Variants in CABLES2 observed in about 807,000 individuals in gnomAD.
CABLES2 encodes the protein Cdk5 and Abl enzyme substrate 2, also known as CDK5 and ABL1 enzyme substrate 2.
CABLES2 carries 35 observed loss-of-function variants against 44.8 expected under a neutral mutation model. The observed-to-expected ratio is 0.78, with a 90% CI of 0.60 to 1.04. The LOEUF (loss-of-function observed/expected upper bound fraction) is 1.04, where lower values mean the gene tolerates loss of function less well. Among genes scored for constraint, CABLES2 ranks in the 50% least tolerant of loss-of-function variants. The pLI, the probability that CABLES2 is intolerant of heterozygous loss-of-function variation, is 0.00. For missense variants in CABLES2, 566 were observed against 615.7 expected, an observed-to-expected ratio of 0.92 and a Z score of 0.85; for synonymous variants, 282 against 281.1, an observed-to-expected ratio of 1.00 and a Z score of -0.03.
chr20:62,388,761 T>C lies in CABLES2; in HGVS notation c.*2210A>G, dbSNP rs1033738980. On this transcript the variant is annotated 3_prime_UTR_variant, in exon 10 of 10. Transcript: ENST00000279101. The stretch of plus-strand genomic sequence containing the variant: ...CACTGACATCCACAACTGCTACCGG[T>C]GCGGAAGCAACGCCAGGCCTGGTTC... 2 of 486,716 alleles carry C rather than the reference T, an allele frequency of 4.1e-6. No individual in the cohort carries two copies. The highest frequency in any genetic ancestry group is 7.4e-6 in the Non-Finnish European group (2 of 271,866). 30.1% of individuals were successfully genotyped at this position (486,716 alleles called of 1,614,324 possible).
At chr20:62,399,479 C>T (rs1244152158) in intron 1 of CABLES2, among the ~76,000 whole-genome samples, 2 of 148,342 alleles carry the variant, frequency 1.3e-5, no homozygotes, top group Non-Finnish European at 3.0e-5. Context: ...GATCTCCTGA[C>T]CTCGTGATCC....
chr20:62,400,947 A>C (rs1384345022), intron 1 of CABLES2, among the ~76,000 whole-genome samples: 5 of 152,166 alleles, frequency 3.3e-5, no homozygotes, highest in African/African-American at 1.2e-4. Context: ...CTAGATCTGC[A>C]CAGTTCTAGG....
chr20:62,407,061 CG>C lies in CABLES2; in HGVS notation c.215del (p.Pro72ArgfsTer87). On this transcript the variant is annotated frameshift_variant, in exon 1 of 10. Transcript: ENST00000279101. LOFTEE classifies it high-confidence loss of function. ...GTTCGCGGGCCTCGGCGGGCGGCGG[CG>C]GGGGCTTCTCTCCGCCCGGGCCCAG... ...PSLGPGGEKP[P>X]PPPAEAREPP... The C allele has an allele frequency of 9.2e-7, 1 of 1,084,220 alleles. No individual in the cohort carries two copies. The allele number at this position is 1,084,220 out of a possible 1,614,324, so 67.2% of individuals were successfully genotyped here. A position where few individuals can be genotyped will look rare whatever the true frequency, so the allele number is the denominator to read the frequency against.
Position 62,390,927 on chromosome 20 carries a change from C to T in CABLES2, c.*44G>A, listed in dbSNP as rs571998953. 1.2e-5 allele frequency: 19 copies of T among 1,603,922 alleles called. No homozygotes were observed. In the East Asian group the frequency reaches 1.8e-4, roughly 15 times the overall value. ...GGCTTCAGTGGGACACCTCCCAGGC[C>T]GGCAAGTGCACCTCGGTGCCCTGAG... On this transcript the variant is annotated 3_prime_UTR_variant, in exon 10 of 10. Coordinates refer to ENST00000279101, the MANE Select transcript of CABLES2 (RefSeq NM_031215.3).
chr20:62,397,905 A>ATGGCGG (rs1601475199), intron 1 of CABLES2, among the ~76,000 whole-genome samples: 2 of 103,660 alleles, frequency 1.9e-5, no homozygotes, highest in Admixed American at 1.8e-4. Context: ...GGTGGTGGTG[A>ATGGCGG]TGGTGATGGC....
chr20:62,398,079 G>GTGGTGA (rs1988083052), intron 1 of CABLES2, among the ~76,000 whole-genome samples: 3 of 136,758 alleles, frequency 2.2e-5, no homozygotes, highest in Admixed American at 1.5e-4. Flanking sequence ...GACGGTGGTG[G>GTGGTGA]TGGTGGTGAC....
intron 5 of CABLES2, 51 bp downstream of exon 5, chr20:62,394,106 G>A (rs564216814): frequency 1.1e-5 from 16 of 1,457,282 alleles, no homozygotes; most frequent in Admixed American, 1.7e-5. Context: ...GCTCCCACCC[G>A]CCTGCCTGGC....
At chr20:62,406,199 G>T (rs1368567227) in intron 1 of CABLES2, among the ~76,000 whole-genome samples, 1 of 152,130 alleles carries the variant, frequency 6.6e-6, no homozygotes, top group Non-Finnish European at 1.5e-5. Flanking sequence ...CTGTGGGATG[G>T]GAGATGTGGC....
chr20:62,396,633 C>T lies in CABLES2; in HGVS notation c.363-41G>A, dbSNP rs763495125. ...GGAGCCTCAAAACAGGCCACCAGCC[C>T]GGGTGCCGCCTTTGTGGCCAGAAAC... On this transcript the variant is annotated intron_variant, in intron 1 of 9. Transcript: ENST00000279101. This position sits in a 1 kb window ranked among gnomAD's most constrained non-coding sequence, Gnocchi z 5.7. 8.9e-6 allele frequency: 14 copies of T among 1,575,886 alleles called. No individual in the cohort carries two copies. Among genetic ancestry groups the T allele is most frequent in the East Asian group, 6.9e-5 (3 of 43,332 alleles).
chr20:62,399,922 G>A (rs1988158355), intron 1 of CABLES2, among the ~76,000 whole-genome samples: 1 of 152,180 alleles, frequency 6.6e-6, no homozygotes, highest in Non-Finnish European at 1.5e-5. Flanking sequence ...CCTGTAATTT[G>A]TTGGATACTG....
chr20:62,392,871 G>A, intron 7 of CABLES2, 49 bp downstream of exon 7: 1 of 1,542,040 alleles, frequency 6.5e-7, no homozygotes, highest in East Asian at 2.2e-5. Flanking sequence ...CCCCGAGCCA[G>A]GACAGGTGTG....
rs747948 is a variant in CABLES2, at chr20:62,389,245, C to T, written c.*1726G>A. On this transcript the variant is annotated 3_prime_UTR_variant, in exon 10 of 10. Coordinates refer to ENST00000279101, the MANE Select transcript of CABLES2 (RefSeq NM_031215.3). The stretch of plus-strand genomic sequence containing the variant: ...CCAGCATGGTGGAGCAGCTTTGAAG[C>T]TGAGTCCCCTCTGGGTGCATACTGG... 0.62 allele frequency: 95,131 copies of T among 152,236 alleles called. 31,834 individuals are homozygous for T. The highest frequency in any genetic ancestry group is 0.86 in the African/African-American group (35,531 of 41,514). The allele number at this position is 152,236 out of a possible 1,614,324, so 9.4% of individuals were successfully genotyped here.
chr20:62,396,739 T>C lies in CABLES2; in HGVS notation c.363-147A>G, dbSNP rs945403876. 1.2e-5 allele frequency: 9 copies of C among 778,426 alleles called. No homozygotes were observed. In the African/African-American group the frequency reaches 1.6e-4, roughly 14 times the overall value. 48.2% of individuals were successfully genotyped at this position (778,426 alleles called of 1,614,324 possible). A position where few individuals can be genotyped will look rare whatever the true frequency, so the allele number is the denominator to read the frequency against. On this transcript the variant is annotated intron_variant, in intron 1 of 9. Transcript: ENST00000279101. The surrounding 1 kb of genome is among the most constrained non-coding windows in gnomAD (Gnocchi z 5.7). ...TGGGCCGAGGGGCTTCCAGAGCCCA[T>C]GCAGACTGAGGCGGGGAGGAGGGGC...
At position 62,391,033 on chromosome 20, in the gene CABLES2, C is replaced by G; in HGVS notation, c.1375G>C (p.Ala459Pro). The change falls in exon 10 of 10, where the codon GCC becomes CCC. Residue 459 changes from alanine (A) to proline (P), a missense_variant. This residue lies in a region of CABLES2 where 436 missense variants were observed against 536.3 expected (regional missense o/e 0.81). Transcript: ENST00000279101. The surrounding 1 kb of genome is among the most constrained non-coding windows in gnomAD (Gnocchi z 5.7). Reference protein sequence around the residue: ...EFTVLVALELALYLPENQVLP... With the variant: ...EFTVLVALELPLYLPENQVLP... ...ACTTGGTTCTCGGGAAGATACAGGG[C>G]CAGCTCCAAGGCCACGAGCACTGTG... is the stretch of plus-strand genomic sequence containing the variant. 1 of 1,614,136 alleles carries G rather than the reference C, an allele frequency of 6.2e-7. No homozygotes were observed. Among genetic ancestry groups the G allele is most frequent in the Non-Finnish European group, 8.5e-7 (1 of 1,180,032 alleles).
At chr20:62,395,304 C>A (rs1279398163) in intron 3 of CABLES2, among the ~76,000 whole-genome samples, 1 of 134,114 alleles carries the variant, frequency 7.5e-6, no homozygotes, top group Non-Finnish European at 1.6e-5. Flanking sequence ...CCCGAAGGCT[C>A]CTTCCTGACC....
Position 62,391,459 on chromosome 20 carries a change from G to T in CABLES2, c.1092-6C>A. On this transcript the variant is annotated splice_polypyrimidine_tract_variant and splice_region_variant and intron_variant, in intron 8 of 9. Transcript: ENST00000279101. This position sits in a 1 kb window ranked among gnomAD's most constrained non-coding sequence, Gnocchi z 5.7. Reference sequence around the variant, plus strand: ...TCCGCATCTCCCGCTTTAAGCTGTGGGTTAAGACAGAAGCCATGTCCCTGG... The same window carrying T: ...TCCGCATCTCCCGCTTTAAGCTGTGTGTTAAGACAGAAGCCATGTCCCTGG... 1 of 1,612,348 alleles carries T rather than the reference G, an allele frequency of 6.2e-7. No homozygotes were observed. The highest frequency in any genetic ancestry group is 8.5e-7 in the Non-Finnish European group (1 of 1,179,458).
chr20:62,394,087 C>T (rs949470761), intron 5 of CABLES2, 70 bp downstream of exon 5: 34 of 1,191,984 alleles, frequency 2.9e-5, no homozygotes, highest in Middle Eastern at 3.8e-4. Flanking sequence ...TGGGCACTGA[C>T]GTGGGACTGC....
At chr20:62,406,307 G>A (rs147641823) in intron 1 of CABLES2, among the ~76,000 whole-genome samples, 10 of 152,130 alleles carry the variant, frequency 6.6e-5, no homozygotes, top group African/African-American at 2.4e-4. Flanking sequence ...GGTGTGGCCC[G>A]GTTCAAAGAA....
Position 62,389,917 on chromosome 20 carries a change from T to C in CABLES2, c.*1054A>G, listed in dbSNP as rs987541066. On this transcript the variant is annotated 3_prime_UTR_variant, in exon 10 of 10. Transcript: ENST00000279101. The stretch of plus-strand genomic sequence containing the variant: ...GCCGAGGTGGCCAAGATGGCACCTG[T>C]TTCCTGCCTCAGAAGAAAAGGCACT... 11 of 152,276 alleles carry C rather than the reference T, an allele frequency of 7.2e-5. No homozygotes were observed. The highest frequency in any genetic ancestry group is 2.6e-4 in the African/African-American group (11 of 41,546). 9.4% of individuals were successfully genotyped at this position (152,276 alleles called of 1,614,324 possible).
Sources: gnomAD v4.1 joint callset for allele counts (sites outside exome capture counted in the v4.1 genomes callset) on GRCh38, gnomAD v4.1.1 for gene constraint, gnomAD v4.1.1 regional missense constraint, Gnocchi (gnomAD v3.1) non-coding constraint, MANE v1.5 for transcripts, NCBI Gene and HGNC (gene_info 2026-07-23, HGNC 2026-07-21) for gene names.